Variants in WDR86 observed in about 807,000 individuals in gnomAD.
WDR86 encodes WD repeat-containing protein 86.
A neutral mutation model predicts 36.5 loss-of-function variants in WDR86; 30 were observed. That is an observed-to-expected ratio of 0.82 (90% CI 0.61 to 1.11). The LOEUF is 1.11. Among genes scored for constraint, WDR86 ranks in the 50% most tolerant of loss-of-function variants. The probability of loss-of-function intolerance (pLI) is 0.00; values close to 1 mark genes in which losing one functional copy is unlikely to be tolerated. For synonymous variants in WDR86, 255 were observed against 252.9 expected (o/e 1.01, Z -0.08); for missense variants, 545 against 561.2 (o/e 0.97, Z 0.29).
At chr7:151,372,915 G>A (rs1018683128), downstream of WDR86, among the ~76,000 whole-genome samples, 1 of 152,196 alleles carries the variant, frequency 6.6e-6, no homozygotes, top group Admixed American at 6.5e-5. Context: ...GCCACACCAG[G>A]AGGTTCTCCT....
chr7:151,391,831 C>T (rs1231007757), intron 3 of WDR86, among the ~76,000 whole-genome samples: 3 of 149,572 alleles, frequency 2.0e-5, no homozygotes, highest in East Asian at 4.0e-4. Context: ...CAGGGGTGCG[C>T]CTCCTCCCCA....
intron 2 of WDR86, 63 bp downstream of exon 2, chr7:151,400,037 C>T: frequency 7.0e-7 from 1 of 1,435,194 alleles, no homozygotes; most frequent in South Asian, 1.6e-5. Context: ...TATCTCTGAC[C>T]CCTCAGCCCC....
chr7:151,409,657 C>T lies in WDR86; in HGVS notation c.-68G>A. 7.6e-7 allele frequency: 1 copy of T among 1,314,892 alleles called. No individual in the cohort carries two copies. Among genetic ancestry groups the T allele is most frequent in the Non-Finnish European group, 9.7e-7 (1 of 1,035,988 alleles). The allele number at this position is 1,314,892 out of a possible 1,614,324, so 81.5% of individuals were successfully genotyped here. A position where few individuals can be genotyped will look rare whatever the true frequency, so the allele number is the denominator to read the frequency against. On this transcript the variant is annotated 5_prime_UTR_variant, in exon 1 of 6. Coordinates refer to ENST00000334493, the MANE Select transcript of WDR86 (RefSeq NM_198285.3). The surrounding 1 kb of genome is among the most constrained non-coding windows in gnomAD (Gnocchi z 5.2). Reference sequence around the variant, plus strand: ...AGGGAGGGGCGCCCCGGGGTCCGCGCGGCGGCTCCGTACGACTGCGGCCCG... The same window carrying T: ...AGGGAGGGGCGCCCCGGGGTCCGCGTGGCGGCTCCGTACGACTGCGGCCCG...
rs1799169263 is a variant in WDR86 at position 151,388,648 on chromosome 7, G to A, written c.727-3425C>T. ...CCCTGCATGCAGTCCTGTAAAAGGC[G>A]AGGGAGGCAGAGGCCCCTCTGGGCA... is the stretch of plus-strand genomic sequence containing the variant. On this transcript the variant is annotated intron_variant, in intron 3 of 5. Transcript: ENST00000334493. This position sits in a 1 kb window ranked among gnomAD's most constrained non-coding sequence, Gnocchi z 4.2. Among the ~76,000 whole-genome samples, 2 of 152,208 alleles carry A rather than the reference G, an allele frequency of 1.3e-5. No homozygotes were observed. Among genetic ancestry groups the A allele is most frequent in the African/African-American group, 2.4e-5 (1 of 41,458 alleles).
chr7:151,387,641 C>T (rs1324112274), intron 3 of WDR86, among the ~76,000 whole-genome samples: 1 of 152,128 alleles, frequency 6.6e-6, no homozygotes, highest in Non-Finnish European at 1.5e-5. Context: ...GGCTCCGCCG[C>T]TGAGGGCACA....
At position 151,400,123 on chromosome 7, in the gene WDR86, T is replaced by G. The variant is rs1168831557; in HGVS notation, c.282A>C (p.Arg94=). 6.2e-7 allele frequency: 1 copy of G among 1,607,514 alleles called. No homozygotes were observed. Among genetic ancestry groups the G allele is most frequent in the Non-Finnish European group, 8.5e-7 (1 of 1,176,916 alleles). Residue 94 remains arginine, a synonymous_variant, in exon 2 of 6, where the codon CGA becomes CGC. Coordinates refer to ENST00000334493, the MANE Select transcript of WDR86 (RefSeq NM_198285.3). ...VLTGQCLQVY[R]GHTSIVNRIL... ...ACCTGTTCACGATGGACGTGTGTCC[T>G]CGGTACACCTGCAGACACTGCCCGG... is the stretch of plus-strand genomic sequence containing the variant.
At chr7:151,393,463 G>A (rs960730661) in intron 3 of WDR86, among the ~76,000 whole-genome samples, 10 of 152,294 alleles carry the variant, frequency 6.6e-5, no homozygotes, top group Admixed American at 6.5e-4. Flanking sequence ...CACCCCTGGA[G>A]TGAGGACAGC....
rs187129776 is a variant in WDR86, at chr7:151,399,696, C to T, written c.305+404G>A. On this transcript the variant is annotated intron_variant, in intron 2 of 5. Transcript: ENST00000334493. ...TTAAAAATATCCTCAACTCCGTCTT[C>T]GGAACAATCCCCCACACTCCTCCTC... 3.0e-4 allele frequency among the ~76,000 whole-genome samples: 45 copies of T among 152,370 alleles called. No individual in the cohort carries two copies. The East Asian group carries it at 6.5e-3, about 22-fold the overall frequency.
chr7:151,376,953 A>C (rs147835858), downstream of WDR86: 93 of 1,407,742 alleles, frequency 6.6e-5, no homozygotes, highest in East Asian at 1.6e-3. Context: ...CAGTGTGGCC[A>C]GCAAGAGGCA....
chr7:151,389,935 C>T (rs1176291148), intron 3 of WDR86, among the ~76,000 whole-genome samples: 1 of 152,180 alleles, frequency 6.6e-6, no homozygotes, highest in Non-Finnish European at 1.5e-5. Flanking sequence ...GCCACACAGT[C>T]CTGTGTGTGG....
intron 1 of WDR86, among the ~76,000 whole-genome samples, chr7:151,402,994 A>G (rs758751798): frequency 1.3e-5 from 2 of 152,160 alleles, no homozygotes; most frequent in Non-Finnish European, 2.9e-5. Context: ...GCAGATACCA[A>G]ACTCCACAAC....
chr7:151,409,271 A>C lies in WDR86; in HGVS notation c.163+156T>G. The C allele has an allele frequency of 1.5e-5, 16 of 1,097,844 alleles. No homozygotes were observed. The highest frequency in any genetic ancestry group is 2.4e-4 in the Middle Eastern group (1 of 4,182). The allele number at this position is 1,097,844 out of a possible 1,614,324, so 68.0% of individuals were successfully genotyped here. On this transcript the variant is annotated intron_variant, in intron 1 of 5. Coordinates refer to ENST00000334493, the MANE Select transcript of WDR86 (RefSeq NM_198285.3). This position sits in a 1 kb window ranked among gnomAD's most constrained non-coding sequence, Gnocchi z 5.2. ...CTGCCCTGCCGTGCGCTCAACAGCCAGATGCTGGGCCCAGACAAGCGCTCT... is the reference window on the plus strand; with the variant it reads ...CTGCCCTGCCGTGCGCTCAACAGCCCGATGCTGGGCCCAGACAAGCGCTCT...
chr7:151,399,942 C>T (rs557529960), intron 2 of WDR86, among the ~76,000 whole-genome samples, 158 bp downstream of exon 2: 23 of 152,342 alleles, frequency 1.5e-4, no homozygotes, highest in African/African-American at 4.8e-4. Context: ...CCTGGGTCCA[C>T]GTCGCTGGGT....
intron 3 of WDR86, among the ~76,000 whole-genome samples, chr7:151,394,434 G>C (rs891964880): frequency 6.6e-6 from 1 of 152,142 alleles, no homozygotes; most frequent in African/African-American, 2.4e-5. Context: ...CCGTCACCCG[G>C]AGCCTGCCCC....
intron 2 of WDR86, among the ~76,000 whole-genome samples, chr7:151,397,702 G>GTAGTGGGAGGAAGAGGGTGTAGCA (rs1799943714): frequency 5.3e-5 from 4 of 75,932 alleles, no homozygotes; most frequent in African/African-American, 1.9e-4. Context: ...AGGGTGTAGT[G>GTAGTGGGAGGAAGAGGGTGTAGCA]GGAGGAAGGG....
chr7:151,402,583 G>A, intron 1 of WDR86, among the ~76,000 whole-genome samples: 1 of 152,242 alleles, frequency 6.6e-6, no homozygotes, highest in African/African-American at 2.4e-5. Context: ...CCCGTAGGGA[G>A]AACAGCGGCT....
In WDR86 at chr7:151,401,909, C is replaced by A. The variant is rs1472353768; in HGVS notation, c.164-1668G>T. 6.0e-5 allele frequency among the ~76,000 whole-genome samples: 9 copies of A among 150,406 alleles called. No homozygotes were observed. The East Asian group carries it at 1.7e-3, about 29-fold the overall frequency. ...CTAAAAATACAAAAAATTAGCCGGG[C>A]GTGGTGGTGGGCGCCTGTAATCCCA... is the stretch of plus-strand genomic sequence containing the variant. On this transcript the variant is annotated intron_variant, in intron 1 of 5. Transcript: ENST00000334493. This position sits in a 1 kb window ranked among gnomAD's most constrained non-coding sequence, Gnocchi z 4.3.
chr7:151,407,799 C>T (rs1187964005), intron 1 of WDR86, among the ~76,000 whole-genome samples: 1 of 152,170 alleles, frequency 6.6e-6, no homozygotes, highest in Non-Finnish European at 1.5e-5. Context: ...CAAGATCGTG[C>T]CACTGCACTC....
chr7:151,396,335 A>G (rs1356631805), intron 2 of WDR86, 139 bp from the exon 3 acceptor site: 2 of 1,010,418 alleles, frequency 2.0e-6, no homozygotes, highest in African/African-American at 1.6e-5. Context: ...CTCGTCTTCC[A>G]AGGTCCAGCT....
Sources: allele counts gnomAD v4.1 joint callset (sites outside exome capture counted in the v4.1 genomes callset), GRCh38; gene constraint gnomAD v4.1.1; non-coding constraint Gnocchi (gnomAD v3.1); transcripts MANE v1.5; gene names NCBI Gene and HGNC (gene_info 2026-07-23, HGNC 2026-07-21).